Variants in ZMAT4 observed in about 807,000 individuals in gnomAD.
ZMAT4 encodes zinc finger matrin-type protein 4.
Under a neutral mutation model 28.7 loss-of-function variants are expected in ZMAT4, and 17 were observed. That is an observed-to-expected ratio of 0.59 (90% confidence interval 0.41 to 0.89). ZMAT4 has a LOEUF of 0.89. ZMAT4 is among the 40% of genes least tolerant of loss of function. The probability of loss-of-function intolerance (pLI) is 0.00; values close to 1 mark genes in which losing one functional copy is unlikely to be tolerated. For missense variants in ZMAT4, 240 were observed against 283.8 expected, an observed-to-expected ratio of 0.85 and a Z score of 1.11; for synonymous variants, 117 against 109.2, an observed-to-expected ratio of 1.07 and a Z score of -0.44.
At position 40,674,694 on chromosome 8, in the gene ZMAT4, C is replaced by T; in HGVS notation, c.577+10G>A. The stretch of plus-strand genomic sequence containing the variant: ...AGTTTTGTGGCAGAAGTGAGAAGAG[C>T]TGCCCTTACCTCTCAGTTCCCCCAT... On this transcript the variant is annotated intron_variant, in intron 5 of 6. Coordinates refer to ENST00000297737, the MANE Select transcript of ZMAT4 (RefSeq NM_024645.3). The T allele has an allele frequency of 6.2e-7, 1 of 1,609,544 alleles. No homozygotes were observed. Among genetic ancestry groups the T allele is most frequent in the African/African-American group, 1.3e-5 (1 of 74,940 alleles).
At chr8:40,715,651 C>G (rs1009278972) in intron 3 of ZMAT4, among the ~76,000 whole-genome samples, 1 of 152,124 alleles carries the variant, frequency 6.6e-6, no homozygotes, top group Non-Finnish European at 1.5e-5. Flanking sequence ...ATAGGGTTAA[C>G]AGATGAAAGG....
chr8:40,720,821 C>T (rs1229523244), intron 3 of ZMAT4, among the ~76,000 whole-genome samples: 1 of 151,876 alleles, frequency 6.6e-6, no homozygotes, highest in Non-Finnish European at 1.5e-5. Context: ...CCACCATGCC[C>T]AGCCCGATAG....
chr8:40,821,249 A>T (rs1028546339), intron 2 of ZMAT4, among the ~76,000 whole-genome samples: 1 of 151,824 alleles, frequency 6.6e-6, no homozygotes, highest in East Asian at 2.0e-4. Context: ...ACTGCAGCAA[A>T]CCACACAAAT....
chr8:40,867,692 CTT>C (rs1293589464), intron 1 of ZMAT4, among the ~76,000 whole-genome samples: 5 of 152,286 alleles, frequency 3.3e-5, no homozygotes, highest in African/African-American at 1.2e-4. Flanking sequence ...AGCTCAATCT[CTT>C]TCACTTCCTT....
At chr8:40,648,656 G>C (rs1418406422) in intron 5 of ZMAT4, among the ~76,000 whole-genome samples, 1 of 71,546 alleles carries the variant, frequency 1.4e-5, no homozygotes, top group Non-Finnish European at 3.1e-5. Flanking sequence ...AGGAAAAAAT[G>C]TTAAGGGCAG....
intron 6 of ZMAT4, among the ~76,000 whole-genome samples, chr8:40,543,116 C>T (rs1213387852): frequency 6.6e-6 from 1 of 151,970 alleles, no homozygotes; most frequent in African/African-American, 2.4e-5. Context: ...CCTTCAGGCT[C>T]AGAGTTTACG....
intron 6 of ZMAT4, among the ~76,000 whole-genome samples, chr8:40,539,578 A>T (rs1276116688): frequency 6.6e-6 from 1 of 152,226 alleles, no homozygotes; most frequent in East Asian, 1.9e-4. Context: ...ATTTAGCCTC[A>T]GTTTATTCAT....
chr8:40,882,577 G>A (rs1290231491), intron 1 of ZMAT4, among the ~76,000 whole-genome samples: 3 of 152,242 alleles, frequency 2.0e-5, no homozygotes, highest in Admixed American at 6.5e-5. Context: ...CTGGCACACC[G>A]GGAGAGAGAA....
At chr8:40,834,376 G>A (rs1425015610) in intron 1 of ZMAT4, among the ~76,000 whole-genome samples, 1 of 152,108 alleles carries the variant, frequency 6.6e-6, no homozygotes, top group Non-Finnish European at 1.5e-5. Context: ...GGGGGCATGA[G>A]CAGAGCAGGT....
intron 2 of ZMAT4, among the ~76,000 whole-genome samples, chr8:40,784,985 C>A (rs1814006776): frequency 2.6e-5 from 4 of 152,172 alleles, no homozygotes; most frequent in African/African-American, 9.7e-5. Flanking sequence ...AGGATTTGAA[C>A]CCAGGCTTTC....
At chr8:40,585,934 GT>G (rs1223583464) in intron 5 of ZMAT4, among the ~76,000 whole-genome samples, 1 of 152,166 alleles carries the variant, frequency 6.6e-6, no homozygotes, top group African/African-American at 2.4e-5. Flanking sequence ...AAATATTTAT[GT>G]TTAAAAATGG....
chr8:40,619,911 C>T (rs1806137550), intron 5 of ZMAT4, among the ~76,000 whole-genome samples: 1 of 152,128 alleles, frequency 6.6e-6, no homozygotes, highest in Non-Finnish European at 1.5e-5. Context: ...CTTTTTCAGA[C>T]TTAAAGCACA....
intron 1 of ZMAT4, among the ~76,000 whole-genome samples, chr8:40,889,786 G>A (rs1366067423): frequency 6.6e-6 from 1 of 152,178 alleles, no homozygotes; most frequent in East Asian, 1.9e-4. Flanking sequence ...AATGTTTGCT[G>A]TAATGAATAA....
chr8:40,611,247 C>T (rs1805783657), intron 5 of ZMAT4, among the ~76,000 whole-genome samples: 1 of 152,104 alleles, frequency 6.6e-6, no homozygotes, highest in African/African-American at 2.4e-5. Context: ...TCAGCTACAG[C>T]ATTATTTAGG....
intron 5 of ZMAT4, among the ~76,000 whole-genome samples, chr8:40,582,307 C>G (rs1016983672): frequency 6.6e-6 from 1 of 152,098 alleles, no homozygotes; most frequent in African/African-American, 2.4e-5. Flanking sequence ...TCAAGACCAA[C>G]CTGAGCCACA....
intron 2 of ZMAT4, among the ~76,000 whole-genome samples, chr8:40,811,217 A>T (rs1297519421): frequency 6.6e-6 from 1 of 152,190 alleles, no homozygotes; most frequent in Non-Finnish European, 1.5e-5. Context: ...AGACAAATTC[A>T]GTTTGGAGGT....
intron 3 of ZMAT4, among the ~76,000 whole-genome samples, chr8:40,754,897 G>A (rs1430740577): frequency 6.6e-6 from 1 of 152,160 alleles, no homozygotes; most frequent in Non-Finnish European, 1.5e-5. Context: ...CGTGATGCAT[G>A]CCTGTGGTCT....
chr8:40,613,209 G>A (rs1180312238), intron 5 of ZMAT4, among the ~76,000 whole-genome samples: 1 of 91,968 alleles, frequency 1.1e-5, no homozygotes, highest in African/African-American at 4.2e-5. Flanking sequence ...TTGAGATGGA[G>A]TCTCACTCTG....
At chr8:40,893,595 C>T (rs1054006468) in intron 1 of ZMAT4, among the ~76,000 whole-genome samples, 10 of 152,232 alleles carry the variant, frequency 6.6e-5, no homozygotes, top group Non-Finnish European at 1.5e-4. Flanking sequence ...CCCATCCAAA[C>T]TCAGTCTGCC....
Sources: allele counts gnomAD v4.1 joint callset (sites outside exome capture counted in the v4.1 genomes callset), GRCh38; gene constraint gnomAD v4.1.1; transcripts MANE v1.5; gene names NCBI Gene and HGNC (gene_info 2026-07-23, HGNC 2026-07-21).